The following NFASC variants were observed in gnomAD, a reference collection of about 807,000 sequenced individuals.
NFASC encodes the protein neurofascin homolog.
A neutral mutation model predicts 147.5 loss-of-function variants in NFASC; 43 were observed. The observed-to-expected ratio is 0.29, with a 90% CI of 0.23 to 0.38. The LOEUF (loss-of-function observed/expected upper bound fraction) is 0.38, where lower values mean the gene tolerates loss of function less well. Ranked by LOEUF, NFASC falls within the 10% of genes least tolerant of loss-of-function variation. The pLI, the probability that NFASC is intolerant of heterozygous loss-of-function variation, is 1.00. For synonymous variants in NFASC, 622 were observed against 665.5 expected (o/e 0.93, Z 1.01); for missense variants, 1,320 against 1,689.0 (o/e 0.78, Z 3.83).
At chr1:204,955,093 A>T in intron 7 of NFASC, 142 bp downstream of exon 7, 1 of 1,008,386 alleles carries the variant, frequency 9.9e-7, no homozygotes, top group Non-Finnish European at 1.5e-6. Context: ...GGCTGAGAAC[A>T]CAGGCTCTGC....
At chr1:204,977,791 G>T in intron 17 of NFASC, 66 bp downstream of exon 17, 2 of 1,487,044 alleles carry the variant, frequency 1.3e-6, no homozygotes, top group Non-Finnish European at 1.9e-6. Context: ...TGGAGTCTGG[G>T]AGAAGGAAGC....
Position 205,010,819 on chromosome 1 carries a change from C to G in NFASC, c.3421+1131C>G, listed in dbSNP as rs948694433. 2.6e-5 allele frequency: 4 copies of G among 151,596 alleles called. No homozygotes were observed. Among genetic ancestry groups the G allele is most frequent in the African/African-American group, 9.7e-5 (4 of 41,226 alleles). 9.4% of individuals were successfully genotyped at this position (151,596 alleles called of 1,614,324 possible). The stretch of plus-strand genomic sequence containing the variant: ...TCAGGAGGCTGAGGCAGGAGAATCA[C>G]TTGAACCTGGGAGGCAGAGGTTGCA... On this transcript the variant is annotated intron_variant, in intron 28 of 29. Transcript: ENST00000339876. This position sits in a 1 kb window ranked among gnomAD's most constrained non-coding sequence, Gnocchi z 4.1.
At chr1:204,907,085 T>A (rs1033478369) in intron 1 of NFASC, among the ~76,000 whole-genome samples, 7 of 152,210 alleles carry the variant, frequency 4.6e-5, no homozygotes, top group African/African-American at 1.7e-4. Context: ...TCACCAGCAA[T>A]GTATGTGAGT....
At chr1:204,907,483 A>G (rs2086251915) in intron 1 of NFASC, among the ~76,000 whole-genome samples, 1 of 152,040 alleles carries the variant, frequency 6.6e-6, no homozygotes, top group African/African-American at 2.4e-5. Context: ...CTGCCCCCTC[A>G]CTGTAAGGCA....
intron 1 of NFASC, among the ~76,000 whole-genome samples, chr1:204,849,030 T>C (rs2075425786): frequency 6.6e-6 from 1 of 152,238 alleles, no homozygotes; most frequent in African/African-American, 2.4e-5. Context: ...CCAGTTGGCC[T>C]AAGTGAATTC....
chr1:204,906,891 G>A (rs1314322913), intron 1 of NFASC, among the ~76,000 whole-genome samples: 2 of 152,108 alleles, frequency 1.3e-5, no homozygotes, highest in East Asian at 3.9e-4. Context: ...CACCATGTTA[G>A]CCAGGATGGT....
chr1:204,963,862 G>A (rs892942781), intron 8 of NFASC, among the ~76,000 whole-genome samples: 1 of 152,254 alleles, frequency 6.6e-6, no homozygotes, highest in African/African-American at 2.4e-5. Flanking sequence ...TTGATGAAAA[G>A]TGCCCAGGGC....
intron 2 of NFASC, among the ~76,000 whole-genome samples, chr1:204,922,985 T>G (rs1270726349): frequency 6.6e-6 from 1 of 152,216 alleles, no homozygotes; most frequent in Non-Finnish European, 1.5e-5. Flanking sequence ...GGCCCATTAT[T>G]ACCCGTGTTT....
At chr1:204,932,791 T>C (rs762392016) in intron 2 of NFASC, among the ~76,000 whole-genome samples, 6 of 152,198 alleles carry the variant, frequency 3.9e-5, no homozygotes, top group Admixed American at 6.5e-5. Flanking sequence ...AGTTTAAACA[T>C]AGTTTTACCG....
rs2095412808 is a variant in NFASC at position 204,976,670 on chromosome 1, G to A, written c.1707-1G>A. On this transcript the variant is annotated splice_acceptor_variant, in intron 15 of 29. Transcript: ENST00000339876. LOFTEE classifies it high-confidence loss of function. The stretch of plus-strand genomic sequence containing the variant: ...CCAACCCTTCCTCGGTACCTTTGCA[G>A]GATGAAGAAGGAAGACGACTCCCTG... The A allele has an allele frequency of 6.2e-7, 1 of 1,610,918 alleles. No homozygotes were observed. The highest frequency in any genetic ancestry group is 8.5e-7 in the Non-Finnish European group (1 of 1,177,594).
chr1:204,981,937 C>T lies in NFASC; in HGVS notation c.2387C>T (p.Pro796Leu). ...GTGGGGCAGACCCCAGTCTACGTGC[C>T]CTATGAGATCCGAGTCCAGGCTGAA... ...YVVGQTPVYVPYEIRVQAEND... is the reference protein window; with the variant it reads ...YVVGQTPVYVLYEIRVQAEND... The change falls in exon 21 of 30, where the codon CCC becomes CTC. Residue 796 changes from proline (P) to leucine (L), a missense_variant. Physicochemically the swap from Pro to Leu is moderately conservative, Grantham distance 98. Transcript: ENST00000339876. 1 of 1,608,602 alleles carries T rather than the reference C, an allele frequency of 6.2e-7. No homozygotes were observed. Among genetic ancestry groups the T allele is most frequent in the Non-Finnish European group, 8.5e-7 (1 of 1,177,684 alleles).
intron 2 of NFASC, among the ~76,000 whole-genome samples, chr1:204,943,637 A>T (rs12758745): frequency 3.3e-5 from 5 of 152,184 alleles, no homozygotes; most frequent in South Asian, 2.1e-4. Context: ...CATGATCCCC[A>T]GTCCTGCCAA....
chr1:204,861,078 CTTTTTTTTTTTTT>C (rs1162020795), intron 1 of NFASC, among the ~76,000 whole-genome samples: 12 of 68,946 alleles, frequency 1.7e-4, no homozygotes, highest in East Asian at 6.4e-4. Context: ...ACTTGCTTTC[CTTTTTTTTTTTTT>C]TTTTTTTTTT....
At chr1:204,860,739 C>G (rs914169667) in intron 1 of NFASC, among the ~76,000 whole-genome samples, 4 of 152,196 alleles carry the variant, frequency 2.6e-5, no homozygotes, top group Admixed American at 6.5e-5. Context: ...GTGGTCACTT[C>G]CCATTCTTTC....
chr1:204,939,212 C>T (rs2093160103), intron 2 of NFASC, among the ~76,000 whole-genome samples: 1 of 152,026 alleles, frequency 6.6e-6, no homozygotes, highest in South Asian at 2.1e-4. Flanking sequence ...TTTCTGCACT[C>T]TCCCCCTGCC....
intron 1 of NFASC, among the ~76,000 whole-genome samples, chr1:204,860,939 A>C (rs549786545): frequency 1.4e-3 from 219 of 151,878 alleles, no homozygotes; most frequent in African/African-American, 5.1e-3. Context: ...ATACTCAATT[A>C]TCTATATATG....
rs2095475240 is a variant in NFASC, at chr1:204,979,647, T to C, written c.2176+88T>C. ...TCCCCCCATTCCCAGCCATGTGAAC[T>C]TAGGTTACTTAACTTCTCCAAGGCC... On this transcript the variant is annotated intron_variant, in intron 19 of 29. Coordinates refer to ENST00000339876, the MANE Select transcript of NFASC (RefSeq NM_001005388.3). This position sits in a 1 kb window ranked among gnomAD's most constrained non-coding sequence, Gnocchi z 6.0. 1 of 1,268,188 alleles carries C rather than the reference T, an allele frequency of 7.9e-7. No homozygotes were observed. The highest frequency in any genetic ancestry group is 1.2e-5 in the South Asian group (1 of 83,062). 78.6% of individuals were successfully genotyped at this position (1,268,188 alleles called of 1,614,324 possible).
chr1:204,900,739 G>A (rs545496555), intron 1 of NFASC, among the ~76,000 whole-genome samples: 1 of 152,286 alleles, frequency 6.6e-6, no homozygotes, highest in Admixed American at 6.5e-5. Context: ...ACTGAGAGGG[G>A]GACACTGGAA....
chr1:204,998,792 G>C (rs1454582872), intron 25 of NFASC: 1 of 152,216 alleles, frequency 6.6e-6, no homozygotes, highest in Non-Finnish European at 1.5e-5. Flanking sequence ...AACCAAAAAT[G>C]AAGAAAGGAA....
Sources: gnomAD v4.1 joint callset for allele counts (sites outside exome capture counted in the v4.1 genomes callset) on GRCh38, gnomAD v4.1.1 for gene constraint, Gnocchi (gnomAD v3.1) non-coding constraint, MANE v1.5 for transcripts, NCBI Gene and HGNC (gene_info 2026-07-23, HGNC 2026-07-21) for gene names.